Variants in RBFOX3 observed in about 807,000 individuals in gnomAD.
The protein encoded by RBFOX3 is RNA binding fox-1 homolog 3.
Under a neutral mutation model 48.7 loss-of-function variants are expected in RBFOX3, and 17 were observed. The observed-to-expected ratio is 0.35, with a 90% CI of 0.24 to 0.52. The LOEUF is 0.52. Among genes scored for constraint, RBFOX3 ranks in the 20% least tolerant of loss-of-function variants. The pLI is 0.94. For synonymous variants in RBFOX3, 212 were observed against 209.5 expected (o/e 1.01, Z -0.10); for missense variants, 382 against 497.5 (o/e 0.77, Z 2.21).
chr17:79,140,878 C>G (rs958408230), intron 4 of RBFOX3, among the ~76,000 whole-genome samples: 4 of 152,170 alleles, frequency 2.6e-5, no homozygotes, highest in South Asian at 2.1e-4. Context: ...GAGCCAGATG[C>G]CATGCTGAGG....
At chr17:79,616,099 C>T in the RBFOX3 span, among the ~76,000 whole-genome samples, 5 of 152,290 alleles carry the variant, frequency 3.3e-5, no homozygotes, top group African/African-American at 4.8e-5. Flanking sequence ...TGGTCTTTGA[C>T]GTTCTTGTGA....
intron 2 of RBFOX3, among the ~76,000 whole-genome samples, chr17:79,371,062 G>C (rs960093783): frequency 8.5e-5 from 13 of 152,330 alleles, no homozygotes; most frequent in African/African-American, 2.9e-4. Context: ...ATGCACGGTG[G>C]GGTGGCTTCC....
At chr17:79,268,133 G>A (rs1325272417) in intron 3 of RBFOX3, among the ~76,000 whole-genome samples, 2 of 138,772 alleles carry the variant, frequency 1.4e-5, no homozygotes, top group Admixed American at 7.8e-5. Flanking sequence ...CCTGGCTGCC[G>A]TGAGGGGCAA....
chr17:79,256,774 C>A (rs764549372), intron 3 of RBFOX3, among the ~76,000 whole-genome samples: 1 of 151,928 alleles, frequency 6.6e-6, no homozygotes, highest in Non-Finnish European at 1.5e-5. Context: ...AAAAATTAGC[C>A]GGGCATGGTG....
At chr17:79,428,777 C>T (rs1468481786) in intron 2 of RBFOX3, among the ~76,000 whole-genome samples, 8 of 152,212 alleles carry the variant, frequency 5.3e-5, no homozygotes, top group Non-Finnish European at 5.9e-5. Flanking sequence ...CCCTGCCCCC[C>T]GGCTTATGTT....
intron 1 of RBFOX3, among the ~76,000 whole-genome samples, chr17:79,483,648 C>T (rs906732566): frequency 6.6e-6 from 1 of 151,628 alleles, no homozygotes; most frequent in Non-Finnish European, 1.5e-5. Flanking sequence ...CGCCATCCCA[C>T]TTTGCCTCCA....
At chr17:79,414,751 G>A (rs1237207776) in intron 2 of RBFOX3, among the ~76,000 whole-genome samples, 2 of 152,196 alleles carry the variant, frequency 1.3e-5, no homozygotes, top group African/African-American at 4.8e-5. Context: ...GCCCACGGGA[G>A]GACTGAACAG....
chr17:79,577,760 G>C (rs2092912474), intron 1 of RBFOX3, among the ~76,000 whole-genome samples: 1 of 152,252 alleles, frequency 6.6e-6, no homozygotes, highest in African/African-American at 2.4e-5. Flanking sequence ...AAACCCAAAG[G>C]AGAAGGGGAG....
At position 79,473,799 on chromosome 17, in the gene RBFOX3, G is replaced by A. The variant is rs1474812816; in HGVS notation, c.-175+8655C>T. Among the ~76,000 whole-genome samples the A allele has an allele frequency of 2.6e-5, 4 of 151,988 alleles. No individual in the cohort carries two copies. Among genetic ancestry groups the A allele is most frequent in the African/African-American group, 4.8e-5 (2 of 41,446 alleles). On this transcript the variant is annotated intron_variant, in intron 2 of 14. Coordinates refer to ENST00000693108, the MANE Select transcript of RBFOX3 (RefSeq NM_001350451.2). This position sits in a 1 kb window ranked among gnomAD's most constrained non-coding sequence, Gnocchi z 4.2. Reference sequence around the variant, plus strand: ...GAAAAAAGAAAAATTATTCTGTTCCGCCTCCATTTTTCTCCTCCTCCTAAA... The same window carrying A: ...GAAAAAAGAAAAATTATTCTGTTCCACCTCCATTTTTCTCCTCCTCCTAAA...
At chr17:79,486,479 G>A (rs1381763896) in intron 1 of RBFOX3, among the ~76,000 whole-genome samples, 1 of 152,290 alleles carries the variant, frequency 6.6e-6, no homozygotes, top group Middle Eastern at 3.4e-3. Context: ...CTTCTTCTGG[G>A]AGGTCAGTTG....
chr17:79,577,220 G>T (rs1490685475), intron 1 of RBFOX3, among the ~76,000 whole-genome samples: 1 of 152,180 alleles, frequency 6.6e-6, no homozygotes, highest in African/African-American at 2.4e-5. Flanking sequence ...CTTTCCAAAA[G>T]CTAGATTTCC....
chr17:79,331,943 C>T (rs775923986), intron 2 of RBFOX3, among the ~76,000 whole-genome samples: 7 of 152,358 alleles, frequency 4.6e-5, no homozygotes, highest in Middle Eastern at 3.4e-3. Context: ...TTGGTAGAGA[C>T]GTGCACCCCA....
chr17:79,309,596 G>A lies in RBFOX3; in HGVS notation c.-174-1772C>T, dbSNP rs146887786. ...GGAAGCCCCCTCCCCATCACCTGCC[G>A]CATCTACTCATGGCCTGTCGCATCA... On this transcript the variant is annotated intron_variant, in intron 2 of 14. Coordinates refer to ENST00000693108, the MANE Select transcript of RBFOX3 (RefSeq NM_001350451.2). 3.6e-3 allele frequency among the ~76,000 whole-genome samples: 553 copies of A among 152,236 alleles called. 3 individuals carry two copies. Among genetic ancestry groups the A allele is most frequent in the Non-Finnish European group, 4.0e-3 (270 of 68,010 alleles).
At chr17:79,287,482 T>C (rs879348994) in intron 3 of RBFOX3, among the ~76,000 whole-genome samples, 4 of 152,174 alleles carry the variant, frequency 2.6e-5, no homozygotes, top group African/African-American at 9.7e-5. Flanking sequence ...TCCAGCTCAG[T>C]GTCTCCCCTT....
At chr17:79,584,911 AC>A (rs1335197579) in intron 1 of RBFOX3, among the ~76,000 whole-genome samples, 2 of 151,784 alleles carry the variant, frequency 1.3e-5, no homozygotes, top group East Asian at 3.9e-4. Flanking sequence ...GACTACAGGC[AC>A]CCGCCACCAC....
At chr17:79,520,745 C>G (rs2085942861) in intron 1 of RBFOX3, among the ~76,000 whole-genome samples, 1 of 152,198 alleles carries the variant, frequency 6.6e-6, no homozygotes, top group Non-Finnish European at 1.5e-5. Flanking sequence ...GTTGGACTCC[C>G]CTCCAGGGCG....
At chr17:79,591,204 CG>C (rs1432921924) in intron 1 of RBFOX3, among the ~76,000 whole-genome samples, 3 of 152,136 alleles carry the variant, frequency 2.0e-5, no homozygotes, top group Non-Finnish European at 4.4e-5. Flanking sequence ...CACGTGGTCC[CG>C]GGGGTCGGCA....
At chr17:79,640,993 A>G in the RBFOX3 span, among the ~76,000 whole-genome samples, 1 of 152,226 alleles carries the variant, frequency 6.6e-6, no homozygotes, top group Non-Finnish European at 1.5e-5. Flanking sequence ...AACAAAGGAA[A>G]CAATAAAGCC....
chr17:79,412,420 G>A (rs2064546186), intron 2 of RBFOX3, among the ~76,000 whole-genome samples: 1 of 151,452 alleles, frequency 6.6e-6, no homozygotes, highest in Admixed American at 6.6e-5. Flanking sequence ...GAATGTGTGT[G>A]AGGTGTATAC....
Sources: gnomAD v4.1 joint callset for allele counts (sites outside exome capture counted in the v4.1 genomes callset) on GRCh38, gnomAD v4.1.1 for gene constraint, Gnocchi (gnomAD v3.1) non-coding constraint, MANE v1.5 for transcripts, NCBI Gene and HGNC (gene_info 2026-07-23, HGNC 2026-07-21) for gene names.